KCNQ5: variants seen among roughly 807,000 people sequenced by gnomAD.
KCNQ5 encodes the protein potassium voltage-gated channel subfamily KQT member 5.
In KCNQ5, 30 loss-of-function variants were observed where a neutral mutation model predicts 98.2. The ratio of observed to expected loss-of-function variants is 0.31; its 90% CI spans 0.23 to 0.41. The LOEUF (loss-of-function observed/expected upper bound fraction) is 0.41, where lower values mean the gene tolerates loss of function less well. Among genes scored for constraint, KCNQ5 ranks in the 10% least tolerant of loss-of-function variants. The pLI is 1.00. For missense variants in KCNQ5, 835 were observed against 1,182.5 expected (o/e 0.71, Z 4.31); for synonymous variants, 458 against 449.4 (o/e 1.02, Z -0.24).
chr6:72,821,606 G>A (rs1211221233), intron 1 of KCNQ5, among the ~76,000 whole-genome samples: 6 of 151,270 alleles, frequency 4.0e-5, no homozygotes, highest in African/African-American at 7.3e-5. Context: ...GAAGTTTCAA[G>A]ATTTTTTGTT....
At chr6:72,957,945 G>A (rs1434072979) in intron 1 of KCNQ5, among the ~76,000 whole-genome samples, 1 of 152,000 alleles carries the variant, frequency 6.6e-6, no homozygotes, top group Non-Finnish European at 1.5e-5. Flanking sequence ...TTATAAAAAA[G>A]AAAAATTCTG....
intron 1 of KCNQ5, among the ~76,000 whole-genome samples, chr6:72,779,772 G>T (rs1350763634): frequency 1.3e-5 from 2 of 151,458 alleles, no homozygotes; most frequent in African/African-American, 4.9e-5. Flanking sequence ...AGCTTCCCTA[G>T]TAGCTGGGAC....
intron 1 of KCNQ5, among the ~76,000 whole-genome samples, chr6:72,755,653 A>G (rs1771925711): frequency 6.6e-6 from 1 of 152,084 alleles, no homozygotes; most frequent in Non-Finnish European, 1.5e-5. Context: ...TCTTTGTGTT[A>G]TTGTCATACA....
intron 1 of KCNQ5, among the ~76,000 whole-genome samples, chr6:72,837,391 T>C (rs1458399127): frequency 2.0e-5 from 3 of 152,216 alleles, no homozygotes; most frequent in Non-Finnish European, 4.4e-5. Context: ...TGTCCAGATC[T>C]GAATCCAGAT....
chr6:72,747,628 TG>T (rs913730378), intron 1 of KCNQ5, among the ~76,000 whole-genome samples: 3 of 152,164 alleles, frequency 2.0e-5, no homozygotes, highest in African/African-American at 7.2e-5. Context: ...TGGGGATAAA[TG>T]ACTGAAAAAA....
At chr6:72,632,926 A>G (rs758911704) in intron 1 of KCNQ5, among the ~76,000 whole-genome samples, 17 of 151,906 alleles carry the variant, frequency 1.1e-4, no homozygotes, top group East Asian at 1.9e-4. Context: ...ATGATGATCT[A>G]TTTCCTTTGG....
intron 1 of KCNQ5, among the ~76,000 whole-genome samples, chr6:72,639,704 C>A (rs542414154): frequency 2.6e-5 from 4 of 152,170 alleles, no homozygotes; most frequent in Admixed American, 6.6e-5. Flanking sequence ...GATAATGCAC[C>A]AAACGGTGCT....
At chr6:73,006,251 C>T (rs1308715775) in intron 2 of KCNQ5, among the ~76,000 whole-genome samples, 2 of 151,780 alleles carry the variant, frequency 1.3e-5, no homozygotes, top group Admixed American at 6.6e-5. Context: ...TCATAGAACA[C>T]GATTCTGATT....
chr6:73,115,212 G>A (rs926313199), intron 7 of KCNQ5, among the ~76,000 whole-genome samples: 1 of 151,710 alleles, frequency 6.6e-6, no homozygotes, highest in Non-Finnish European at 1.5e-5. Flanking sequence ...AAAAACAGAA[G>A]GTAAGATAAA....
At chr6:73,063,714 A>AGAT (rs1363451838) in intron 3 of KCNQ5, among the ~76,000 whole-genome samples, 1,958 of 107,760 alleles carry the variant, frequency 0.018, 30 homozygotes, top group African/African-American at 0.034. Context: ...ATAGATAGAT[A>AGAT]GATAGATGAT....
At chr6:72,982,269 T>C (rs1163561414) in intron 1 of KCNQ5, among the ~76,000 whole-genome samples, 4 of 152,158 alleles carry the variant, frequency 2.6e-5, no homozygotes, top group East Asian at 1.9e-4. Flanking sequence ...AAGTCTCCCA[T>C]TATTATTGTG....
At chr6:73,003,611 G>A (rs1769688488) in intron 1 of KCNQ5, among the ~76,000 whole-genome samples, 1 of 152,094 alleles carries the variant, frequency 6.6e-6, no homozygotes, top group Admixed American at 6.6e-5. Context: ...TGTTTGGGAA[G>A]GAAGTTGTAT....
At chr6:72,731,845 A>C (rs1770571915) in intron 1 of KCNQ5, among the ~76,000 whole-genome samples, 1 of 152,200 alleles carries the variant, frequency 6.6e-6, no homozygotes, top group African/African-American at 2.4e-5. Flanking sequence ...CCTTCAAAAA[A>C]TTATATCCTC....
intron 1 of KCNQ5, among the ~76,000 whole-genome samples, chr6:72,988,167 C>T (rs1188686509): frequency 1.3e-5 from 2 of 152,184 alleles, no homozygotes; most frequent in Admixed American, 6.5e-5. Flanking sequence ...GAGTGTTTAG[C>T]AGGTGCTAGG....
chr6:72,634,998 T>C (rs909808081), intron 1 of KCNQ5, among the ~76,000 whole-genome samples: 15 of 152,156 alleles, frequency 9.9e-5, no homozygotes, highest in African/African-American at 3.4e-4. Flanking sequence ...TAGCAACTTA[T>C]ATTGATTATC....
chr6:72,781,894 A>G (rs1773495732), intron 1 of KCNQ5, among the ~76,000 whole-genome samples: 1 of 152,206 alleles, frequency 6.6e-6, no homozygotes, highest in Non-Finnish European at 1.5e-5. Context: ...GTTGAACACA[A>G]AGAGAGTCTT....
intron 1 of KCNQ5, among the ~76,000 whole-genome samples, chr6:72,862,833 G>A (rs1777825604): frequency 6.6e-6 from 1 of 152,086 alleles, no homozygotes; most frequent in South Asian, 2.1e-4. Flanking sequence ...TCACTGTGTT[G>A]CCCAGATTCA....
Position 72,826,621 on chromosome 6 carries a change from A to G in KCNQ5, c.399-177287A>G, listed in dbSNP as rs140078800. Among the ~76,000 whole-genome samples the G allele has an allele frequency of 2.3e-3, 345 of 152,186 alleles. 1 individual carries two copies. The highest frequency in any genetic ancestry group is 7.4e-3 in the African/African-American group (309 of 41,528). ...TGACAAATAATAATTATACATTTTC[A>G]TGTGATAGATAGTGATGTTTCAATC... On this transcript the variant is annotated intron_variant, in intron 1 of 13. Coordinates refer to ENST00000370398, the MANE Select transcript of KCNQ5 (RefSeq NM_019842.4).
In KCNQ5 at chr6:73,077,753, T is replaced by C; in HGVS notation, c.793-9T>C. ...ACCTCTAAAAATCTTTCATTCCTTT[T>C]ATATCTAGGAATTAATCACAGCTTG... On this transcript the variant is annotated splice_polypyrimidine_tract_variant and intron_variant, in intron 4 of 13. Transcript: ENST00000370398. 1 of 1,598,596 alleles carries C rather than the reference T, an allele frequency of 6.3e-7. No individual in the cohort carries two copies. Among genetic ancestry groups the C allele is most frequent in the Non-Finnish European group, 8.5e-7 (1 of 1,173,766 alleles).
Sources: allele counts gnomAD v4.1 joint callset (sites outside exome capture counted in the v4.1 genomes callset), GRCh38; gene constraint gnomAD v4.1.1; transcripts MANE v1.5; gene names NCBI Gene and HGNC (gene_info 2026-07-23, HGNC 2026-07-21).